UMODL1: variants seen among roughly 807,000 people sequenced by gnomAD.
The protein encoded by UMODL1 is uromodulin-like 1.
In UMODL1, 128 loss-of-function variants were observed where a neutral mutation model predicts 136.3. That is an observed-to-expected ratio of 0.94 (90% confidence interval 0.81 to 1.09). The LOEUF (loss-of-function observed/expected upper bound fraction) is 1.09, where lower values mean the gene tolerates loss of function less well. UMODL1 is among the 50% of genes least tolerant of loss of function. The pLI is 0.00. For synonymous variants in UMODL1, 721 were observed against 720.0 expected (o/e 1.00, Z -0.02); for missense variants, 1,766 against 1,725.6 (o/e 1.02, Z -0.41).
intron 6 of UMODL1, among the ~76,000 whole-genome samples, chr21:42,098,575 T>C (rs2066585923): frequency 6.6e-6 from 1 of 152,014 alleles, no homozygotes; most frequent in African/African-American, 2.4e-5. Flanking sequence ...AAGACCATCC[T>C]GGCCAACATG....
intron 14 of UMODL1, among the ~76,000 whole-genome samples, chr21:42,117,393 G>C (rs1335167747): frequency 1.3e-5 from 2 of 152,240 alleles, no homozygotes; most frequent in African/African-American, 4.8e-5. Context: ...CAATGCCCCT[G>C]CCTCAGAGAA....
chr21:42,120,949 C>G (rs1015713238), intron 15 of UMODL1, 138 bp from the exon 16 acceptor site: 1 of 1,119,264 alleles, frequency 8.9e-7, no homozygotes, highest in Non-Finnish European at 1.3e-6. Context: ...CTTTCCAGAA[C>G]TGGTGAGCTT....
In UMODL1 at chr21:42,071,440, C is replaced by G. The variant is rs1338977958; in HGVS notation, c.76+48C>G. ...GGGCAGTTCTTAAGGACAGGGGCTT[C>G]CTGGCATGGGTCTCATGAGGACAGC... is the stretch of plus-strand genomic sequence containing the variant. On this transcript the variant is annotated intron_variant, in intron 1 of 22. Coordinates refer to ENST00000408910, the MANE Select transcript of UMODL1 (RefSeq NM_001004416.3). 3 of 1,498,010 alleles carry G rather than the reference C, an allele frequency of 2.0e-6. No homozygotes were observed. The African/African-American group carries it at 4.3e-5, about 21-fold the overall frequency. The allele number at this position is 1,498,010 out of a possible 1,614,324, so 92.8% of individuals were successfully genotyped here.
intron 4 of UMODL1, among the ~76,000 whole-genome samples, chr21:42,087,959 T>A (rs1291987185): frequency 6.6e-6 from 1 of 152,218 alleles, no homozygotes; most frequent in Non-Finnish European, 1.5e-5. Flanking sequence ...CCAGCCATAT[T>A]GGATTAGAAC....
chr21:42,114,598 A>G (rs8129420), intron 13 of UMODL1, among the ~76,000 whole-genome samples: 15,881 of 152,270 alleles, frequency 0.1, 837 homozygotes, highest in East Asian at 0.13. Flanking sequence ...AGTGGGGCGC[A>G]CACCCCTTGA....
intron 2 of UMODL1, 55 bp downstream of exon 2, chr21:42,076,302 G>A: frequency 6.2e-7 from 1 of 1,604,252 alleles, no homozygotes; most frequent in East Asian, 2.2e-5. Context: ...CGAGACGCCT[G>A]ATGGGACAGT....
upstream of UMODL1, chr21:42,071,269 G>T: frequency 6.8e-7 from 1 of 1,468,724 alleles, no homozygotes; most frequent in Non-Finnish European, 9.0e-7. Flanking sequence ...AGAGACCCAG[G>T]CTTCTTGGTA....
upstream of UMODL1, among the ~76,000 whole-genome samples, chr21:42,071,109 AT>A (rs1330425233): frequency 1.3e-5 from 2 of 152,332 alleles, no homozygotes; most frequent in African/African-American, 4.8e-5. Context: ...GGAAACGGCC[AT>A]GGCAATGGTG....
Position 42,071,393 on chromosome 21 carries a change from G to C in UMODL1, c.76+1G>C, listed in dbSNP as rs200823234. ...CCAAGCCAGGCCAGCGGCTTCACAG[G>C]TGAGGGGTCTGGGCTTGGCATGGGC... On this transcript the variant is annotated splice_donor_variant, in intron 1 of 22. Transcript: ENST00000408910. LOFTEE classifies it high-confidence loss of function. 13 of 1,585,190 alleles carry C rather than the reference G, an allele frequency of 8.2e-6. No homozygotes were observed. In the East Asian group the frequency reaches 2.6e-4, roughly 32 times the overall value.
chr21:42,123,088 AGCAATG>A lies in UMODL1; in HGVS notation c.3089_3094del (p.Asn1030_Gly1031del), dbSNP rs1262220705. On this transcript the variant is annotated inframe_deletion, in exon 17 of 23. Coordinates refer to ENST00000408910, the MANE Select transcript of UMODL1 (RefSeq NM_001004416.3). The surrounding 1 kb of genome is among the most constrained non-coding windows in gnomAD (Gnocchi z 4.4). ...CCACCCCTCCTGCAACGTGAGCCAC[AGCAATG>A]GCACACACGTGCTCCTGGAGGCCGG... The A allele has an allele frequency of 2.5e-6, 4 of 1,614,114 alleles. No individual in the cohort carries two copies. Among genetic ancestry groups the A allele is most frequent in the Non-Finnish European group, 3.4e-6 (4 of 1,180,032 alleles).
Position 42,103,855 on chromosome 21 carries a change from T to A in UMODL1, c.1300-13T>A. On this transcript the variant is annotated splice_polypyrimidine_tract_variant and intron_variant, in intron 8 of 22. Coordinates refer to ENST00000408910, the MANE Select transcript of UMODL1 (RefSeq NM_001004416.3). ...ACGTTGATGGATGTCTGCTGTTGCCTCTTCTTGGCTAGGTCGAGAGCTCCT... is the reference window on the plus strand; with the variant it reads ...ACGTTGATGGATGTCTGCTGTTGCCACTTCTTGGCTAGGTCGAGAGCTCCT... The A allele has an allele frequency of 6.2e-7, 1 of 1,614,150 alleles. No individual in the cohort carries two copies. The highest frequency in any genetic ancestry group is 1.3e-5 in the African/African-American group (1 of 75,054).
At position 42,098,919 on chromosome 21, in the gene UMODL1, T is replaced by C; in HGVS notation, c.932-7T>C. ...TTTGCTCATCTTCTCTGTCTGTGCT[T>C]TCGTAGATTGTCCTCCAGTCAGTGA... On this transcript the variant is annotated splice_region_variant and splice_polypyrimidine_tract_variant and intron_variant, in intron 6 of 22. Transcript: ENST00000408910. The C allele has an allele frequency of 6.2e-7, 1 of 1,613,988 alleles. No homozygotes were observed.
At chr21:42,063,640 C>G (rs1330438758) in intron 1 of UMODL1, among the ~76,000 whole-genome samples, 1 of 152,206 alleles carries the variant, frequency 6.6e-6, no homozygotes. Context: ...GCCTCAGACC[C>G]CCTGGAGGAA....
At position 42,127,538 on chromosome 21, in the gene UMODL1, T is replaced by G. The variant is rs574298077; in HGVS notation, c.3531-134T>G. The stretch of plus-strand genomic sequence containing the variant: ...CCTGGGTTTTGGGGAACAAATGAGG[T>G]GCCCGGTCCTCGACTTCCACGGAGC... On this transcript the variant is annotated intron_variant, in intron 19 of 22. Coordinates refer to ENST00000408910, the MANE Select transcript of UMODL1 (RefSeq NM_001004416.3). 6.0e-5 allele frequency: 66 copies of G among 1,100,228 alleles called. 1 individual carries two copies. The South Asian group carries it at 7.9e-4, about 13-fold the overall frequency. The allele number at this position is 1,100,228 out of a possible 1,614,324, so 68.2% of individuals were successfully genotyped here. A position where few individuals can be genotyped will look rare whatever the true frequency, so the allele number is the denominator to read the frequency against.
intron 1 of UMODL1, among the ~76,000 whole-genome samples, chr21:42,073,933 G>A (rs1467795624): frequency 6.6e-6 from 1 of 152,178 alleles, no homozygotes; most frequent in African/African-American, 2.4e-5. Context: ...TGCAAGCACT[G>A]TATGTCAAAT....
At chr21:42,108,143 G>A (rs1173293714) in intron 9 of UMODL1, among the ~76,000 whole-genome samples, 1 of 152,224 alleles carries the variant, frequency 6.6e-6, no homozygotes, top group Admixed American at 6.5e-5. Context: ...ACGGAGGAGT[G>A]AAGATTAGGT....
intron 6 of UMODL1, 67 bp from the exon 7 acceptor site, chr21:42,098,859 C>A: frequency 1.3e-6 from 2 of 1,580,764 alleles, no homozygotes; most frequent in Non-Finnish European, 1.7e-6. Context: ...GGCTCTGTTA[C>A]CTGCTTCAGA....
chr21:42,093,027 C>T (rs982774038), intron 6 of UMODL1, among the ~76,000 whole-genome samples: 1 of 152,196 alleles, frequency 6.6e-6, no homozygotes, highest in African/African-American at 2.4e-5. Flanking sequence ...CTCCCCCGCC[C>T]TCGGGGGCTG....
At chr21:42,089,017 TTTG>T (rs1006453966) in intron 5 of UMODL1, among the ~76,000 whole-genome samples, 2 of 152,168 alleles carry the variant, frequency 1.3e-5, no homozygotes, top group Non-Finnish European at 2.9e-5. Flanking sequence ...TTACCTATTC[TTTG>T]TTGTTGTTGT....
Sources: gnomAD v4.1 joint callset for allele counts (sites outside exome capture counted in the v4.1 genomes callset) on GRCh38, gnomAD v4.1.1 for gene constraint, Gnocchi (gnomAD v3.1) non-coding constraint, MANE v1.5 for transcripts, NCBI Gene and HGNC (gene_info 2026-07-23, HGNC 2026-07-21) for gene names.